GABBR2: variants seen among roughly 807,000 people sequenced by gnomAD.
The protein encoded by GABBR2 is gamma-aminobutyric acid type B receptor subunit 2, also known as G-protein coupled receptor 51.
Under a neutral mutation model 105.6 loss-of-function variants are expected in GABBR2, and 23 were observed. The observed-to-expected ratio is 0.22, with a 90% CI of 0.16 to 0.31. The LOEUF is 0.31. GABBR2 is among the 10% of genes least tolerant of loss of function. The probability of loss-of-function intolerance (pLI) is 1.00; values close to 1 mark genes in which losing one functional copy is unlikely to be tolerated. For missense variants in GABBR2, 734 were observed against 1,245.5 expected, an observed-to-expected ratio of 0.59 and a Z score of 6.18; for synonymous variants, 478 against 499.7, an observed-to-expected ratio of 0.96 and a Z score of 0.58.
At chr9:98,427,183 T>G (rs142287526) in intron 7 of GABBR2, among the ~76,000 whole-genome samples, 40 of 152,120 alleles carry the variant, frequency 2.6e-4, no homozygotes, top group Non-Finnish European at 5.0e-4. Context: ...CACAGTTGAG[T>G]GTCTTAGGCT....
intron 1 of GABBR2, among the ~76,000 whole-genome samples, chr9:98,647,714 T>C (rs1361279312): frequency 2.0e-5 from 3 of 152,168 alleles, no homozygotes; most frequent in African/African-American, 7.2e-5. Flanking sequence ...GTTAATTACA[T>C]TGAGAAGAAA....
chr9:98,623,173 C>A, intron 1 of GABBR2, among the ~76,000 whole-genome samples: 1 of 152,038 alleles, frequency 6.6e-6, no homozygotes, highest in Non-Finnish European at 1.5e-5. Context: ...GCCTGTAATC[C>A]CAGCACTTTG....
rs1405440958 is a variant in GABBR2, at chr9:98,688,757, A to G, written c.321+19660T>C. 2.6e-5 allele frequency among the ~76,000 whole-genome samples: 4 copies of G among 152,180 alleles called. No homozygotes were observed. The East Asian group carries it at 7.7e-4, about 29-fold the overall frequency. On this transcript the variant is annotated intron_variant, in intron 1 of 18. Coordinates refer to ENST00000259455, the MANE Select transcript of GABBR2 (RefSeq NM_005458.8). Reference sequence around the variant, plus strand: ...ATCCACATTGGAATCATAGCTAGTTATAGTTCCCACTAACCTCCATATCAC... The same window carrying G: ...ATCCACATTGGAATCATAGCTAGTTGTAGTTCCCACTAACCTCCATATCAC...
Position 98,306,067 on chromosome 9 carries a change from C to G in GABBR2, c.2229+54G>C. On this transcript the variant is annotated intron_variant, in intron 15 of 18. Coordinates refer to ENST00000259455, the MANE Select transcript of GABBR2 (RefSeq NM_005458.8). This position sits in a 1 kb window ranked among gnomAD's most constrained non-coding sequence, Gnocchi z 5.4. Reference sequence around the variant, plus strand: ...AGAGAATGGAGAAAAGCCAGCAATGCCCCTGTGCTGGAGTCAGAGGGCAGA... The same window carrying G: ...AGAGAATGGAGAAAAGCCAGCAATGGCCCTGTGCTGGAGTCAGAGGGCAGA... 4.2e-6 allele frequency: 5 copies of G among 1,188,584 alleles called. No individual in the cohort carries two copies. Among genetic ancestry groups the G allele is most frequent in the South Asian group, 1.3e-5 (1 of 79,594 alleles). 73.6% of individuals were successfully genotyped at this position (1,188,584 alleles called of 1,614,324 possible).
At chr9:98,582,894 C>T (rs1055972321) in intron 1 of GABBR2, among the ~76,000 whole-genome samples, 4 of 152,166 alleles carry the variant, frequency 2.6e-5, no homozygotes, top group Admixed American at 6.5e-5. Flanking sequence ...CTCTCATTTT[C>T]AGATGCAGAG....
At chr9:98,568,305 G>C (rs1564117049) in intron 2 of GABBR2, among the ~76,000 whole-genome samples, 1 of 152,140 alleles carries the variant, frequency 6.6e-6, no homozygotes. Flanking sequence ...CAGTCAAATG[G>C]GGGGGCAGAA....
chr9:98,660,499 TA>T (rs1338167615), intron 1 of GABBR2, among the ~76,000 whole-genome samples: 1 of 152,260 alleles, frequency 6.6e-6, no homozygotes, highest in Admixed American at 6.5e-5. Flanking sequence ...TAACTGCCTT[TA>T]TTGGCCAATT....
intron 5 of GABBR2, among the ~76,000 whole-genome samples, chr9:98,475,086 T>A (rs1307965302): frequency 6.6e-6 from 1 of 152,164 alleles, no homozygotes; most frequent in Non-Finnish European, 1.5e-5. Context: ...AAGGCAGTGA[T>A]CACACTGTCT....
intron 13 of GABBR2, among the ~76,000 whole-genome samples, chr9:98,361,683 T>C (rs1588122028): frequency 6.6e-6 from 1 of 152,278 alleles, no homozygotes; most frequent in East Asian, 1.9e-4. Context: ...CAGTGTCGGG[T>C]CTTTCCTCCT....
At chr9:98,651,147 T>G (rs367624195) in intron 1 of GABBR2, among the ~76,000 whole-genome samples, 71,051 of 133,730 alleles carry the variant, frequency 0.53, 15,831 homozygotes, top group Middle Eastern at 0.64. Context: ...TGGTTTTTTT[T>G]TTTTTTTTTT....
At chr9:98,517,196 CT>C (rs966235634) in intron 3 of GABBR2, among the ~76,000 whole-genome samples, 2 of 152,234 alleles carry the variant, frequency 1.3e-5, no homozygotes, top group African/African-American at 4.8e-5. Flanking sequence ...CTTCTGGTCT[CT>C]ATTTGGGACT....
chr9:98,375,710 T>C (rs9886874), intron 11 of GABBR2, among the ~76,000 whole-genome samples: 10,005 of 152,054 alleles, frequency 0.066, 439 homozygotes, highest in Non-Finnish European at 0.095. Flanking sequence ...GAGCTCCCCA[T>C]CACTCCACAT....
chr9:98,442,592 A>G (rs2131588750), intron 7 of GABBR2, among the ~76,000 whole-genome samples: 1 of 152,300 alleles, frequency 6.6e-6, no homozygotes, highest in South Asian at 2.1e-4. Context: ...AGTGACAATA[A>G]ATAGCAGTCT....
chr9:98,329,935 C>A (rs1312218152), intron 13 of GABBR2, among the ~76,000 whole-genome samples: 1 of 152,052 alleles, frequency 6.6e-6, no homozygotes, highest in Admixed American at 6.6e-5. Flanking sequence ...CAATTGCAGA[C>A]TCCATGACAC....
chr9:98,704,982 A>C (rs1830875738), intron 1 of GABBR2, among the ~76,000 whole-genome samples: 1 of 151,876 alleles, frequency 6.6e-6, no homozygotes, highest in Non-Finnish European at 1.5e-5. Flanking sequence ...ATTGTCTCTC[A>C]GATTTTTTAG....
At chr9:98,699,815 G>A (rs1057324580) in intron 1 of GABBR2, among the ~76,000 whole-genome samples, 5 of 152,130 alleles carry the variant, frequency 3.3e-5, no homozygotes, top group African/African-American at 1.2e-4. Context: ...AGAAAGCCAG[G>A]TACAGACAGG....
At chr9:98,538,247 C>T (rs1331092871) in intron 3 of GABBR2, among the ~76,000 whole-genome samples, 1 of 152,214 alleles carries the variant, frequency 6.6e-6, no homozygotes, top group East Asian at 1.9e-4. Flanking sequence ...ATCTCACAGC[C>T]ATCACTTAGC....
At chr9:98,565,739 G>A (rs1248985820) in intron 2 of GABBR2, among the ~76,000 whole-genome samples, 3 of 152,178 alleles carry the variant, frequency 2.0e-5, no homozygotes, top group Non-Finnish European at 2.9e-5. Context: ...ACCGAGGCTG[G>A]AAGAGGCTAA....
At chr9:98,659,812 C>T (rs1028430239) in intron 1 of GABBR2, among the ~76,000 whole-genome samples, 2 of 151,898 alleles carry the variant, frequency 1.3e-5, no homozygotes, top group African/African-American at 4.8e-5. Context: ...TGAGCCACCG[C>T]ACCCAGCCTA....
Sources: allele counts gnomAD v4.1 joint callset (sites outside exome capture counted in the v4.1 genomes callset), GRCh38; gene constraint gnomAD v4.1.1; non-coding constraint Gnocchi (gnomAD v3.1); transcripts MANE v1.5; gene names NCBI Gene and HGNC (gene_info 2026-07-23, HGNC 2026-07-21).